PHACTR2: variants seen among roughly 807,000 people sequenced by gnomAD.
PHACTR2 encodes the protein chromosome 6 open reading frame 56.
PHACTR2 carries 30 observed loss-of-function variants against 76.0 expected under a neutral mutation model. That is an observed-to-expected ratio of 0.39 (90% CI 0.30 to 0.54). The LOEUF (loss-of-function observed/expected upper bound fraction) is 0.54, where lower values mean the gene tolerates loss of function less well. Ranked by LOEUF, PHACTR2 falls within the 20% of genes least tolerant of loss-of-function variation. The pLI is 0.61. For synonymous variants in PHACTR2, 292 were observed against 292.5 expected, an observed-to-expected ratio of 1.00 and a Z score of 0.02; for missense variants, 696 against 781.1, an observed-to-expected ratio of 0.89 and a Z score of 1.30.
chr6:143,793,557 T>C lies in PHACTR2; in HGVS notation c.1845+4647T>C, dbSNP rs946267607. Reference sequence around the variant, plus strand: ...CAGCATTTTTAGAAGTGGATTTTTATTGTGTATGTGTGTGTTTCTCTGGAA... The same window carrying C: ...CAGCATTTTTAGAAGTGGATTTTTACTGTGTATGTGTGTGTTTCTCTGGAA... On this transcript the variant is annotated intron_variant, in intron 11 of 12. Transcript: ENST00000440869. This position sits in a 1 kb window ranked among gnomAD's most constrained non-coding sequence, Gnocchi z 4.4. Among the ~76,000 whole-genome samples, 1 of 152,198 alleles carries C rather than the reference T, an allele frequency of 6.6e-6. No homozygotes were observed. The highest frequency in any genetic ancestry group is 1.5e-5 in the Non-Finnish European group (1 of 68,034).
intron 4 of PHACTR2, among the ~76,000 whole-genome samples, chr6:143,756,774 C>CT (rs1779309848): frequency 1.4e-5 from 2 of 146,800 alleles, no homozygotes; most frequent in South Asian, 4.4e-4. Context: ...TATAAGAAAT[C>CT]TTATGGCTCA....
chr6:143,700,854 C>T lies in PHACTR2; in HGVS notation c.47-11162C>T, dbSNP rs1428617461. Among the ~76,000 whole-genome samples the T allele has an allele frequency of 2.0e-5, 3 of 152,192 alleles. No individual in the cohort carries two copies. The highest frequency in any genetic ancestry group is 2.1e-4 in the South Asian group (1 of 4,834). ...AGTTGTTGTATATGACTAACATCTA[C>T]GGGGAACAAGATAGGTTGTTGGTTG... On this transcript the variant is annotated intron_variant, in intron 1 of 12. Transcript: ENST00000440869. The surrounding 1 kb of genome is among the most constrained non-coding windows in gnomAD (Gnocchi z 4.1).
rs966677429 is a variant in PHACTR2, at chr6:143,671,132, G to A, written c.14-40884G>A. ...TTTAGTAGAGATGGGGTTCCACCAC[G>A]TTGGTCAGGCTGGTCTTGAACTCCT... On this transcript the variant is annotated intron_variant, in intron 1 of 11. Coordinates refer to the PHACTR2 transcript ENST00000305766. This position sits in a 1 kb window ranked among gnomAD's most constrained non-coding sequence, Gnocchi z 4.6. Among the ~76,000 whole-genome samples the A allele has an allele frequency of 3.3e-5, 5 of 152,048 alleles. No homozygotes were observed. Among genetic ancestry groups the A allele is most frequent in the Non-Finnish European group, 5.9e-5 (4 of 68,006 alleles).
Position 143,549,593 on chromosome 6 carries a change from G to A in PHACTR2, c.217+12386G>A, listed in dbSNP as rs1230678464. Among the ~76,000 whole-genome samples the A allele has an allele frequency of 6.6e-6, 1 of 151,948 alleles. No individual in the cohort carries two copies. Among genetic ancestry groups the A allele is most frequent in the African/African-American group, 2.4e-5 (1 of 41,400 alleles). ...TCAGCAGCTGCTAAGCAGCTATGGA[G>A]GGAGAAAGGTGTTTTGAAATTTCTG... On this transcript the variant is annotated intron_variant, in intron 1 of 11. Transcript: ENST00000367584. This position sits in a 1 kb window ranked among gnomAD's most constrained non-coding sequence, Gnocchi z 4.2.
chr6:143,748,766 A>T (rs193136117), intron 2 of PHACTR2, among the ~76,000 whole-genome samples: 1 of 152,242 alleles, frequency 6.6e-6, no homozygotes, highest in Non-Finnish European at 1.5e-5. Flanking sequence ...TTGAAAGACC[A>T]GGGATGGCGG....
At chr6:143,566,732 G>A (rs904078880) in intron 1 of PHACTR2, among the ~76,000 whole-genome samples, 23 of 150,964 alleles carry the variant, frequency 1.5e-4, no homozygotes, top group Non-Finnish European at 3.1e-4. Context: ...CTATCTGCTT[G>A]CCTTCCCTAA....
At chr6:143,785,087 G>A (rs1256647799) in intron 10 of PHACTR2, among the ~76,000 whole-genome samples, 4 of 152,074 alleles carry the variant, frequency 2.6e-5, no homozygotes, top group Admixed American at 6.6e-5. Flanking sequence ...ACTCATTTCG[G>A]CAGTATCCCA....
chr6:143,666,400 G>A (rs924032526), intron 1 of PHACTR2, among the ~76,000 whole-genome samples: 4 of 151,562 alleles, frequency 2.6e-5, no homozygotes, highest in African/African-American at 9.7e-5. Flanking sequence ...TCCAGTAATG[G>A]GATTGCTGGG....
rs893550775 is a variant in PHACTR2 at position 143,556,051 on chromosome 6, A to G, written c.217+18844A>G. Among the ~76,000 whole-genome samples, 3 of 152,188 alleles carry G rather than the reference A, an allele frequency of 2.0e-5. No homozygotes were observed. Among genetic ancestry groups the G allele is most frequent in the Admixed American group, 6.5e-5 (1 of 15,278 alleles). ...AAAAGAGACCAAACCTTTTACTCTT[A>G]GTAATTAATCTATTTGTAGTGTTAC... On this transcript the variant is annotated intron_variant, in intron 1 of 11. Coordinates refer to the PHACTR2 transcript ENST00000367584. The surrounding 1 kb of genome is among the most constrained non-coding windows in gnomAD (Gnocchi z 4.3).
chr6:143,803,360 C>T lies in PHACTR2; in HGVS notation c.1846-3697C>T, dbSNP rs1037420233. On this transcript the variant is annotated intron_variant, in intron 11 of 12. Transcript: ENST00000440869. This position sits in a 1 kb window ranked among gnomAD's most constrained non-coding sequence, Gnocchi z 4.7. Reference sequence around the variant, plus strand: ...CCTAGGAGTTTGAGACCAGCCTGGCCAACATTGCGAAATCCATCTCCACAA... The same window carrying T: ...CCTAGGAGTTTGAGACCAGCCTGGCTAACATTGCGAAATCCATCTCCACAA... Among the ~76,000 whole-genome samples, 1 of 152,052 alleles carries T rather than the reference C, an allele frequency of 6.6e-6. No individual in the cohort carries two copies. The highest frequency in any genetic ancestry group is 2.4e-5 in the African/African-American group (1 of 41,394).
chr6:143,778,935 G>T (rs533928726), intron 9 of PHACTR2, among the ~76,000 whole-genome samples: 2 of 152,230 alleles, frequency 1.3e-5, no homozygotes, highest in South Asian at 4.2e-4. Flanking sequence ...TGCTGCATTG[G>T]CCTTTATATC....
chr6:143,638,520 G>A (rs1776505855), intron 1 of PHACTR2, among the ~76,000 whole-genome samples: 1 of 150,240 alleles, frequency 6.7e-6, no homozygotes, highest in Admixed American at 6.6e-5. Flanking sequence ...CTCCAGCCTG[G>A]GCCACAGAGC....
rs1043315559 is a variant in PHACTR2 at position 143,743,275 on chromosome 6, G to C, written c.215-5710G>C. On this transcript the variant is annotated intron_variant, in intron 2 of 12. Coordinates refer to ENST00000440869, the MANE Select transcript of PHACTR2 (RefSeq NM_001100164.2). This position sits in a 1 kb window ranked among gnomAD's most constrained non-coding sequence, Gnocchi z 5.0. ...TGTTTAGGAAATGGCAAGAAGTAAA[G>C]TTTGACTTTAACACCAGGCTTGCAA... 6.6e-6 allele frequency among the ~76,000 whole-genome samples: 1 copy of C among 152,200 alleles called. No individual in the cohort carries two copies. The highest frequency in any genetic ancestry group is 2.4e-5 in the African/African-American group (1 of 41,446).
At chr6:143,705,206 C>T (rs2128459432) in intron 1 of PHACTR2, among the ~76,000 whole-genome samples, 1 of 152,046 alleles carries the variant, frequency 6.6e-6, no homozygotes, top group East Asian at 1.9e-4. Flanking sequence ...GCAGCCTCCA[C>T]TTGCTGAGTT....
At chr6:143,758,037 C>T (rs192241575) in intron 4 of PHACTR2, among the ~76,000 whole-genome samples, 15 of 152,132 alleles carry the variant, frequency 9.9e-5, no homozygotes, top group African/African-American at 3.4e-4. Flanking sequence ...TAGTTGGTAG[C>T]GTTCGAAGAG....
chr6:143,783,226 T>C lies in PHACTR2; in HGVS notation c.1653T>C (p.Asn551=), dbSNP rs1348673979. The C allele has an allele frequency of 6.2e-7, 1 of 1,602,594 alleles. No homozygotes were observed. Among genetic ancestry groups the C allele is most frequent in the Non-Finnish European group, 8.5e-7 (1 of 1,170,364 alleles). Residue 551 remains asparagine (N), a synonymous_variant, in exon 10 of 13, where the codon AAT becomes AAC. Transcript: ENST00000440869. This position sits in a 1 kb window ranked among gnomAD's most constrained non-coding sequence, Gnocchi z 5.2. ...LEQRNILKQK[N]EEEEQEAKME... is the part of the protein sequence containing the mutation. ...TCCTCCTTTAATAAACAGAAAAGAA[T>C]GAAGAAGAGGAACAAGAAGCAAAAA...
At position 143,775,297 on chromosome 6, in the gene PHACTR2, C is replaced by T. The variant is rs773097780; in HGVS notation, c.1589+1082C>T. Among the ~76,000 whole-genome samples, 1 of 152,130 alleles carries T rather than the reference C, an allele frequency of 6.6e-6. No individual in the cohort carries two copies. The highest frequency in any genetic ancestry group is 2.4e-5 in the African/African-American group (1 of 41,440). On this transcript the variant is annotated intron_variant, in intron 8 of 12. Coordinates refer to ENST00000440869, the MANE Select transcript of PHACTR2 (RefSeq NM_001100164.2). The surrounding 1 kb of genome is among the most constrained non-coding windows in gnomAD (Gnocchi z 4.4). Reference sequence around the variant, plus strand: ...TCTCTCTGTTCTGTAAACCCTCTTGCGACTCTGGAAGAAATTTGGGAATGT... The same window carrying T: ...TCTCTCTGTTCTGTAAACCCTCTTGTGACTCTGGAAGAAATTTGGGAATGT...
Position 143,767,972 on chromosome 6 carries a change from G to A in PHACTR2, c.1232+2174G>A, listed in dbSNP as rs1779595786. Among the ~76,000 whole-genome samples, 2 of 152,096 alleles carry A rather than the reference G, an allele frequency of 1.3e-5. No individual in the cohort carries two copies. Among genetic ancestry groups the A allele is most frequent in the Non-Finnish European group, 2.9e-5 (2 of 68,012 alleles). ...CCTGCCTCAGCCTCCCCAGTAACTG[G>A]AACTACGGGTGCCTGCCACCACGCC... On this transcript the variant is annotated intron_variant, in intron 6 of 12. Transcript: ENST00000440869. The surrounding 1 kb of genome is among the most constrained non-coding windows in gnomAD (Gnocchi z 4.4).
chr6:143,619,969 G>A lies in PHACTR2; in HGVS notation c.13+11647G>A, dbSNP rs1776124009. Reference sequence around the variant, plus strand: ...TCACTCGGTCGGGGGTGGGGGGTCAGTTCATTTGTTCAAACAGTAAGCATT... The same window carrying A: ...TCACTCGGTCGGGGGTGGGGGGTCAATTCATTTGTTCAAACAGTAAGCATT... On this transcript the variant is annotated intron_variant, in intron 1 of 11. Transcript: ENST00000305766. The surrounding 1 kb of genome is among the most constrained non-coding windows in gnomAD (Gnocchi z 4.5). 6.6e-6 allele frequency among the ~76,000 whole-genome samples: 1 copy of A among 151,802 alleles called. No homozygotes were observed. Among genetic ancestry groups the A allele is most frequent in the Admixed American group, 6.6e-5 (1 of 15,246 alleles).
Sources: gnomAD v4.1 joint callset for allele counts (sites outside exome capture counted in the v4.1 genomes callset) on GRCh38, gnomAD v4.1.1 for gene constraint, Gnocchi (gnomAD v3.1) non-coding constraint, MANE v1.5 for transcripts, NCBI Gene and HGNC (gene_info 2026-07-23, HGNC 2026-07-21) for gene names.